Variants in MACROD2 observed in about 807,000 individuals in gnomAD.
MACROD2 encodes the protein ADP-ribose glycohydrolase MACROD2.
MACROD2 carries 36 observed loss-of-function variants against 70.4 expected under a neutral mutation model. That is an observed-to-expected ratio of 0.51 (90% CI 0.39 to 0.68). The LOEUF is 0.68. Among genes scored for constraint, MACROD2 ranks in the 30% least tolerant of loss-of-function variants. The pLI is 0.00. For missense variants in MACROD2, 496 were observed against 538.4 expected (o/e 0.92, Z 0.78); for synonymous variants, 172 against 178.8 (o/e 0.96, Z 0.30).
chr20:15,986,636 C>A (rs1324727397), intron 13 of MACROD2, 91 bp from the exon 14 acceptor site: 3 of 904,526 alleles, frequency 3.3e-6, no homozygotes, highest in Non-Finnish European at 5.2e-6. Context: ...TCTCTCCATG[C>A]ATGATTAAAG....
chr20:15,055,432 A>G (rs1442723969), intron 5 of MACROD2, among the ~76,000 whole-genome samples: 1 of 152,156 alleles, frequency 6.6e-6, no homozygotes, highest in Non-Finnish European at 1.5e-5. Context: ...TAAAAGCATG[A>G]AGGTTGAGTG....
chr20:14,788,240 C>T (rs1338137582), intron 5 of MACROD2, among the ~76,000 whole-genome samples: 1 of 151,920 alleles, frequency 6.6e-6, no homozygotes, highest in African/African-American at 2.4e-5. Context: ...TTGCTGCAGC[C>T]TCTGGGGATA....
At chr20:14,116,578 A>T (rs2054516170) in intron 3 of MACROD2, among the ~76,000 whole-genome samples, 1 of 152,222 alleles carries the variant, frequency 6.6e-6, no homozygotes, top group South Asian at 2.1e-4. Context: ...TTGGAAGCAC[A>T]GATGATATTA....
intron 4 of MACROD2, among the ~76,000 whole-genome samples, chr20:14,576,533 C>T (rs1377346532): frequency 6.6e-6 from 1 of 152,084 alleles, no homozygotes; most frequent in Non-Finnish European, 1.5e-5. Context: ...CTTTTGGGAA[C>T]CAGTTGATTA....
At chr20:14,916,208 G>A (rs964187219) in intron 5 of MACROD2, among the ~76,000 whole-genome samples, 7 of 152,088 alleles carry the variant, frequency 4.6e-5, no homozygotes, top group African/African-American at 2.4e-5. Flanking sequence ...TCCCAACTCC[G>A]TCAGAGTTCT....
intron 5 of MACROD2, among the ~76,000 whole-genome samples, chr20:14,706,956 C>G (rs916814578): frequency 6.6e-6 from 1 of 152,112 alleles, no homozygotes; most frequent in Admixed American, 6.5e-5. Context: ...ATGCAGAAAG[C>G]TAGGAGCTCA....
chr20:15,936,700 TTA>T (rs2065669369), intron 11 of MACROD2, among the ~76,000 whole-genome samples: 1 of 151,278 alleles, frequency 6.6e-6, no homozygotes, highest in Admixed American at 6.6e-5. Context: ...CATTTTCCAG[TTA>T]TCAGGTATTA....
At chr20:15,761,490 T>C (rs936376768) in intron 8 of MACROD2, among the ~76,000 whole-genome samples, 1 of 152,192 alleles carries the variant, frequency 6.6e-6, no homozygotes, top group African/African-American at 2.4e-5. Context: ...ATAACAAAAA[T>C]CGCTTCAATG....
At chr20:15,996,120 A>G (rs556832966) in intron 15 of MACROD2, among the ~76,000 whole-genome samples, 77 of 152,256 alleles carry the variant, frequency 5.1e-4, no homozygotes, top group South Asian at 1.0e-3. Context: ...CATTTCCATT[A>G]ACAGTGTAAA....
intron 6 of MACROD2, among the ~76,000 whole-genome samples, chr20:15,355,447 A>G (rs2078275781): frequency 6.6e-6 from 1 of 152,190 alleles, no homozygotes; most frequent in Non-Finnish European, 1.5e-5. Flanking sequence ...CTCTCCTTGT[A>G]AAATCTGGGT....
intron 8 of MACROD2, among the ~76,000 whole-genome samples, chr20:15,555,828 C>CAAAAAAAAAAAAA (rs397838341): frequency 7.6e-4 from 14 of 18,528 alleles, no homozygotes; most frequent in African/African-American, 1.7e-3. Flanking sequence ...GACTCCATCT[C>CAAAAAAAAAAAAA]AAAAAAAAAA....
At chr20:14,349,745 T>A (rs988688482) in intron 3 of MACROD2, among the ~76,000 whole-genome samples, 13 of 150,824 alleles carry the variant, frequency 8.6e-5, no homozygotes, top group Admixed American at 1.3e-4. Context: ...GCCTGGCTTA[T>A]TTCATGTAAT....
intron 5 of MACROD2, among the ~76,000 whole-genome samples, chr20:15,086,403 G>A (rs536756869): frequency 6.6e-6 from 1 of 152,092 alleles, no homozygotes; most frequent in Admixed American, 6.6e-5. Flanking sequence ...ACTAAGTAGG[G>A]AAGAAGGAGG....
chr20:13,996,683 G>A (rs1351675724), intron 1 of MACROD2, among the ~76,000 whole-genome samples: 1 of 151,966 alleles, frequency 6.6e-6, no homozygotes, highest in Non-Finnish European at 1.5e-5. Context: ...TCCCATCACA[G>A]TTTGGTAATA....
chr20:14,019,424 C>T (rs1021921080), intron 2 of MACROD2, among the ~76,000 whole-genome samples: 5 of 152,102 alleles, frequency 3.3e-5, no homozygotes, highest in Non-Finnish European at 7.4e-5. Context: ...CACGTGCCAC[C>T]ATGCCCGGCT....
intron 3 of MACROD2, among the ~76,000 whole-genome samples, chr20:14,133,763 A>G (rs577330378): frequency 1.3e-5 from 2 of 152,176 alleles, no homozygotes; most frequent in African/African-American, 2.4e-5. Context: ...TGCTACTCAG[A>G]TATCCCTTCT....
At chr20:15,045,725 T>TG (rs1555777154) in intron 5 of MACROD2, among the ~76,000 whole-genome samples, 1 of 144,512 alleles carries the variant, frequency 6.9e-6, no homozygotes, top group Non-Finnish European at 1.5e-5. Context: ...CAGGGTTTTT[T>TG]TTTTTTTTTT....
chr20:14,090,872 C>A (rs1020974265), intron 3 of MACROD2, among the ~76,000 whole-genome samples: 2 of 152,088 alleles, frequency 1.3e-5, no homozygotes, highest in Non-Finnish European at 2.9e-5. Context: ...CAACAGTGTG[C>A]GGGAGTTCTC....
Position 16,046,017 on chromosome 20 carries a change from G to A in MACROD2, c.1300+1378G>A, listed in dbSNP as rs570195842. Reference sequence around the variant, plus strand: ...TAAAAAAAAAAGAAAAAAACCTATGGAATAAATGAATCATGGGTCATCTAG... The same window carrying A: ...TAAAAAAAAAAGAAAAAAACCTATGAAATAAATGAATCATGGGTCATCTAG... On this transcript the variant is annotated intron_variant, in intron 17 of 17. Coordinates refer to ENST00000684519, the MANE Select transcript of MACROD2 (RefSeq NM_001351661.2). 2.0e-5 allele frequency among the ~76,000 whole-genome samples: 3 copies of A among 152,060 alleles called. No homozygotes were observed. In the South Asian group the frequency reaches 6.2e-4, roughly 32 times the overall value.
Sources: gnomAD v4.1 joint callset for allele counts (sites outside exome capture counted in the v4.1 genomes callset) on GRCh38, gnomAD v4.1.1 for gene constraint, MANE v1.5 for transcripts, NCBI Gene and HGNC (gene_info 2026-07-23, HGNC 2026-07-21) for gene names.